Variants in PPP2R1B observed in about 807,000 individuals in gnomAD.
The protein encoded by PPP2R1B is protein phosphatase 2 scaffold subunit Abeta.
A neutral mutation model predicts 72.7 loss-of-function variants in PPP2R1B; 58 were observed. The observed-to-expected ratio is 0.80, with a 90% CI of 0.65 to 0.99. The LOEUF (loss-of-function observed/expected upper bound fraction) is 0.99. Among genes scored for constraint, PPP2R1B ranks in the 50% least tolerant of loss-of-function variants. The pLI, the probability that PPP2R1B is intolerant of heterozygous loss-of-function variation, is 0.00. For synonymous variants in PPP2R1B, 256 were observed against 264.6 expected (o/e 0.97, Z 0.32); for missense variants, 695 against 733.6 (o/e 0.95, Z 0.61).
At chr11:111,749,554 G>A (rs1302192381) in intron 10 of PPP2R1B, among the ~76,000 whole-genome samples, 2 of 152,082 alleles carry the variant, frequency 1.3e-5, no homozygotes, top group East Asian at 3.8e-4. Flanking sequence ...CAAAGTGCTG[G>A]GATTACAAGC....
the PPP2R1B span, among the ~76,000 whole-genome samples, chr11:111,692,374 A>C: frequency 1.4e-5 from 2 of 141,174 alleles, no homozygotes; most frequent in Admixed American, 6.9e-5. Context: ...AAAAAAAAAA[A>C]AAAAAAAAAA....
In PPP2R1B at chr11:111,740,036, G is replaced by T. The variant is rs1944466237; in HGVS notation, c.*1560C>A. The T allele has an allele frequency of 1.0e-6, 1 of 984,426 alleles. No individual in the cohort carries two copies. Among genetic ancestry groups the T allele is most frequent in the Non-Finnish European group, 1.2e-6 (1 of 829,182 alleles). 61.0% of individuals were successfully genotyped at this position (984,426 alleles called of 1,614,324 possible). A position where few individuals can be genotyped will look rare whatever the true frequency, so the allele number is the denominator to read the frequency against. ...TATACAAAGTCTTAGAGGAGTCTTT[G>T]GGCCTTCACTAAACAGAACAGGACT... On this transcript the variant is annotated 3_prime_UTR_variant, in exon 15 of 15. Coordinates refer to ENST00000527614, the MANE Select transcript of PPP2R1B (RefSeq NM_002716.5).
At chr11:111,720,381 T>C in the PPP2R1B span, 21 of 1,228,078 alleles carry the variant, frequency 1.7e-5, no homozygotes, top group African/African-American at 3.0e-5. Context: ...ATTAAGGACA[T>C]GGTAGCTGTC....
chr11:111,720,743 A>T, the PPP2R1B span: 1 of 1,598,460 alleles, frequency 6.3e-7, no homozygotes, highest in Non-Finnish European at 8.5e-7. Flanking sequence ...GCAGAGCATC[A>T]GATACCTCCC....
In PPP2R1B at chr11:111,741,138, A is replaced by G. The variant is rs1049110913; in HGVS notation, c.*458T>C. 28 of 988,884 alleles carry G rather than the reference A, an allele frequency of 2.8e-5. No individual in the cohort carries two copies. The highest frequency in any genetic ancestry group is 3.1e-5 in the Non-Finnish European group (26 of 831,918). The allele number at this position is 988,884 out of a possible 1,614,324, so 61.3% of individuals were successfully genotyped here. The stretch of plus-strand genomic sequence containing the variant: ...GGTCAAATCTCAACATGTCTCCCGA[A>G]GAGTTTATAAAATAAGTTATTCTAA... On this transcript the variant is annotated 3_prime_UTR_variant, in exon 15 of 15. Transcript: ENST00000527614.
At chr11:111,731,379 C>T (rs1025708394) in intron 15 of PPP2R1B, among the ~76,000 whole-genome samples, 8 of 152,230 alleles carry the variant, frequency 5.3e-5, no homozygotes, top group African/African-American at 1.9e-4. Flanking sequence ...CGACACTGCA[C>T]GTGCGCTCAC....
At chr11:111,723,564 T>C (rs1045364725), downstream of PPP2R1B, 11 of 1,614,200 alleles carry the variant, frequency 6.8e-6, no homozygotes, top group Admixed American at 3.3e-5. Flanking sequence ...CAGATGCAGA[T>C]AGCAGAGAGC....
In PPP2R1B at chr11:111,740,021, C is replaced by G; in HGVS notation, c.*1575G>C. ...GTTTTATGTAACAAATATACAAAGT[C>G]TTAGAGGAGTCTTTGGGCCTTCACT... On this transcript the variant is annotated 3_prime_UTR_variant, in exon 15 of 15. Transcript: ENST00000527614. The G allele has an allele frequency of 3.1e-6, 3 of 983,276 alleles. No individual in the cohort carries two copies. Among genetic ancestry groups the G allele is most frequent in the Non-Finnish European group, 3.6e-6 (3 of 828,020 alleles). 60.9% of individuals were successfully genotyped at this position (983,276 alleles called of 1,614,324 possible). A position where few individuals can be genotyped will look rare whatever the true frequency, so the allele number is the denominator to read the frequency against.
exon 16 of PPP2R1B, chr11:111,726,952 T>A (rs1485399611): frequency 6.2e-6 from 10 of 1,611,984 alleles, no homozygotes; most frequent in East Asian, 2.2e-5. Context: ...GTTCTTTTTT[T>A]AAATCTGGGG....
the PPP2R1B span, chr11:111,720,590 G>A: frequency 6.2e-7 from 1 of 1,613,972 alleles, no homozygotes; most frequent in African/African-American, 1.3e-5. Flanking sequence ...CTTCCCTTAA[G>A]GACATCATGT....
downstream of PPP2R1B, among the ~76,000 whole-genome samples, chr11:111,733,591 T>TA (rs760783521): frequency 6.6e-6 from 1 of 152,056 alleles, no homozygotes; most frequent in Non-Finnish European, 1.5e-5. Flanking sequence ...AGGAGACTGT[T>TA]CATTGTCACC....
the PPP2R1B span, chr11:111,712,074 A>C: frequency 3.3e-6 from 3 of 920,270 alleles, no homozygotes; most frequent in Non-Finnish European, 4.9e-6. Flanking sequence ...TATTTCACTA[A>C]ATCTTTCTGG....
the PPP2R1B span, among the ~76,000 whole-genome samples, chr11:111,710,314 CTGAA>C: frequency 6.6e-6 from 1 of 152,200 alleles, no homozygotes. Flanking sequence ...TTATCACACT[CTGAA>C]TGGTATGCAG....
At chr11:111,720,761 G>C in the PPP2R1B span, 2 of 1,583,848 alleles carry the variant, frequency 1.3e-6, no homozygotes, top group Non-Finnish European at 8.6e-7. Flanking sequence ...CCCTCACCCA[G>C]GGTGAGCACT....
chr11:111,739,343 T>C lies in PPP2R1B; in HGVS notation c.*2253A>G. ...GAGAACTTTTCCCTTAAGTTTAAGG[T>C]AGTTAAAAAAAAAAATAGGAGAACT... On this transcript the variant is annotated 3_prime_UTR_variant, in exon 15 of 15. Transcript: ENST00000527614. 6.5e-6 allele frequency: 6 copies of C among 925,162 alleles called. No homozygotes were observed. Among genetic ancestry groups the C allele is most frequent in the Non-Finnish European group, 7.5e-6 (6 of 798,976 alleles). 57.3% of individuals were successfully genotyped at this position (925,162 alleles called of 1,614,324 possible).
At chr11:111,705,208 C>T in the PPP2R1B span, 1 of 1,427,188 alleles carries the variant, frequency 7.0e-7, no homozygotes, top group Non-Finnish European at 9.2e-7. The surrounding 1 kb of genome is among the most constrained non-coding windows in gnomAD (Gnocchi z 4.3). Flanking sequence ...CATTTTTCAT[C>T]TTATACACAG....
rs1220245790 is a variant in PPP2R1B, at chr11:111,741,100, T to C, written c.*496A>G. On this transcript the variant is annotated 3_prime_UTR_variant, in exon 15 of 15. Coordinates refer to ENST00000527614, the MANE Select transcript of PPP2R1B (RefSeq NM_002716.5). The stretch of plus-strand genomic sequence containing the variant: ...CAGACCATCATAATTCAGGAAAATG[T>C]GGCTTTCATTACGGTCAAATCTCAA... The C allele has an allele frequency of 8.6e-5, 85 of 987,602 alleles. No homozygotes were observed. Among genetic ancestry groups the C allele is most frequent in the Non-Finnish European group, 9.9e-5 (82 of 831,128 alleles). 61.2% of individuals were successfully genotyped at this position (987,602 alleles called of 1,614,324 possible).
chr11:111,747,875 A>G (rs967533458), intron 11 of PPP2R1B, 79 bp downstream of exon 11: 1 of 1,382,766 alleles, frequency 7.2e-7, no homozygotes, highest in Non-Finnish European at 1.0e-6. Flanking sequence ...ATCTGGTCAG[A>G]CTGAGATTCC....
chr11:111,764,190 C>T (rs1159344776), intron 3 of PPP2R1B, among the ~76,000 whole-genome samples: 1 of 151,896 alleles, frequency 6.6e-6, no homozygotes, highest in Non-Finnish European at 1.5e-5. Flanking sequence ...AAGGCAGTGA[C>T]CTCATTAGAT....
Sources: gnomAD v4.1 joint callset for allele counts (sites outside exome capture counted in the v4.1 genomes callset) on GRCh38, gnomAD v4.1.1 for gene constraint, Gnocchi (gnomAD v3.1) non-coding constraint, MANE v1.5 for transcripts, NCBI Gene and HGNC (gene_info 2026-07-23, HGNC 2026-07-21) for gene names.